Variants in DNAH10 observed in about 807,000 individuals in gnomAD.
The protein encoded by DNAH10 is axonemal beta dynein heavy chain 10.
Under a neutral mutation model 506.6 loss-of-function variants are expected in DNAH10, and 348 were observed. The observed-to-expected ratio is 0.69, with a 90% confidence interval of 0.63 to 0.75. The LOEUF (loss-of-function observed/expected upper bound fraction) is 0.75. Among genes scored for constraint, DNAH10 ranks in the 30% least tolerant of loss-of-function variants. The pLI is 0.00. For missense variants in DNAH10, 5,179 were observed against 5,787.1 expected (o/e 0.89, Z 3.41); for synonymous variants, 2,059 against 2,198.6 (o/e 0.94, Z 1.78).
intron 1 of DNAH10, among the ~76,000 whole-genome samples, chr12:123,767,035 A>G (rs1323136380): frequency 1.3e-5 from 2 of 151,078 alleles, no homozygotes; most frequent in African/African-American, 4.9e-5. Flanking sequence ...CCTCCCAAGT[A>G]GCTGGGATTA....
chr12:123,814,740 G>C (rs112344937), intron 21 of DNAH10, among the ~76,000 whole-genome samples: 386 of 150,076 alleles, frequency 2.6e-3, no homozygotes, highest in African/African-American at 9.2e-3. Context: ...TCAGCCTCCC[G>C]AGTACCTGGG....
chr12:123,878,017 A>G, intron 48 of DNAH10, 109 bp downstream of exon 48: 1 of 1,342,894 alleles, frequency 7.4e-7, no homozygotes. Flanking sequence ...GTATGAATTA[A>G]TTACCCAATG....
chr12:123,910,758 A>ATTCACATGTACATAC lies in DNAH10; in HGVS notation c.10134+86_10134+87insTTCACATGTACATAC. ...CACATGTACATACCTTTGCTGAAAA[A>ATTCACATGTACATAC]CTTCTCCCGAGGTTCTGACTTCAAG... is the stretch of plus-strand genomic sequence containing the variant. On this transcript the variant is annotated intron_variant, in intron 59 of 78. Transcript: ENST00000673944. 47 of 1,500,624 alleles carry ATTCACATGTACATAC rather than the reference A, an allele frequency of 3.1e-5. No individual in the cohort carries two copies. The African/African-American group carries it at 4.8e-4, about 15-fold the overall frequency. The allele number at this position is 1,500,624 out of a possible 1,614,324, so 93.0% of individuals were successfully genotyped here. A position where few individuals can be genotyped will look rare whatever the true frequency, so the allele number is the denominator to read the frequency against.
rs142926683 is a variant in DNAH10, at chr12:123,872,874, C to A, written c.7786-684C>A. Among the ~76,000 whole-genome samples the A allele has an allele frequency of 2.6e-3, 399 of 152,228 alleles. 1 individual carries two copies. Among genetic ancestry groups the A allele is most frequent in the African/African-American group, 9.2e-3 (383 of 41,526 alleles). On this transcript the variant is annotated intron_variant, in intron 45 of 78. Coordinates refer to ENST00000673944, the MANE Select transcript of DNAH10 (RefSeq NM_001372106.1). ...AATTGGAAACTCTGGGGAATGGAGC[C>A]CAGCAAGGTGTGTGGCACAAACCCT... is the stretch of plus-strand genomic sequence containing the variant.
chr12:123,854,777 T>C (rs529207484), intron 36 of DNAH10, among the ~76,000 whole-genome samples: 1 of 152,344 alleles, frequency 6.6e-6, no homozygotes, highest in South Asian at 2.1e-4. Flanking sequence ...TTTGTTCTTA[T>C]TCAGTAAATC....
rs1953625451 is a variant in DNAH10 at position 123,903,492 on chromosome 12, CAG to C, written c.9815+383_9815+384del. On this transcript the variant is annotated intron_variant, in intron 57 of 78. Transcript: ENST00000673944. The surrounding 1 kb of genome is among the most constrained non-coding windows in gnomAD (Gnocchi z 4.6). ...CTGAGCCCTGCTGAAAACAGCTCTG[CAG>C]AGATGTGTGCACACCACGGCCGGAC... Among the ~76,000 whole-genome samples the C allele has an allele frequency of 3.9e-5, 6 of 152,360 alleles. No individual in the cohort carries two copies. In the South Asian group the frequency reaches 1.0e-3, roughly 26 times the overall value.
intron 35 of DNAH10, among the ~76,000 whole-genome samples, chr12:123,851,277 T>C (rs768115269): frequency 9.6e-5 from 14 of 145,868 alleles, no homozygotes; most frequent in South Asian, 2.1e-4. Flanking sequence ...TAGGATGTGT[T>C]AGTTCCATGT....
chr12:123,841,314 G>C lies in DNAH10; in HGVS notation c.5137-8G>C, dbSNP rs567481020. The C allele has an allele frequency of 6.2e-7, 1 of 1,613,896 alleles. No individual in the cohort carries two copies. Among genetic ancestry groups the C allele is most frequent in the African/African-American group, 1.3e-5 (1 of 75,044 alleles). On this transcript the variant is annotated splice_region_variant and splice_polypyrimidine_tract_variant and intron_variant, in intron 29 of 78. Transcript: ENST00000673944. The stretch of plus-strand genomic sequence containing the variant: ...AGGTCTTACAGGGCTGCCTCTCCCT[G>C]TTTGCAGATGTACGACAACATAGCA...
intron 73 of DNAH10, among the ~76,000 whole-genome samples, chr12:123,931,033 A>C (rs1007084753): frequency 4.6e-5 from 7 of 152,110 alleles, no homozygotes; most frequent in African/African-American, 1.7e-4. Context: ...AAATAAACAA[A>C]AAATCAAAAC....
chr12:123,882,480 A>G (rs1467337307), intron 51 of DNAH10, among the ~76,000 whole-genome samples: 1 of 152,212 alleles, frequency 6.6e-6, no homozygotes, highest in Non-Finnish European at 1.5e-5. Flanking sequence ...CAACCAGACC[A>G]CAGTCTACTT....
intron 41 of DNAH10, among the ~76,000 whole-genome samples, chr12:123,866,979 A>T (rs1003441304): frequency 1.3e-5 from 2 of 152,234 alleles, no homozygotes; most frequent in Non-Finnish European, 2.9e-5. Context: ...AAACCAGGAC[A>T]TAATTATGCC....
At chr12:123,852,916 C>A (rs1437591442) in intron 35 of DNAH10, among the ~76,000 whole-genome samples, 1 of 152,078 alleles carries the variant, frequency 6.6e-6, no homozygotes, top group South Asian at 2.1e-4. Context: ...AATAAAGAAG[C>A]AATGTATTTC....
intron 19 of DNAH10, among the ~76,000 whole-genome samples, chr12:123,812,419 C>T (rs1217776029): frequency 2.0e-5 from 3 of 152,072 alleles, no homozygotes; most frequent in African/African-American, 7.2e-5. Context: ...CCACTGCACT[C>T]CAGCCTAGGC....
intron 13 of DNAH10, 45 bp from the exon 14 acceptor site, chr12:123,799,201 G>A (rs749240126): frequency 5.3e-5 from 82 of 1,555,810 alleles, no homozygotes; most frequent in Non-Finnish European, 6.9e-5. Flanking sequence ...GATGAAAAAT[G>A]TTATTTTCAA....
chr12:123,771,453 T>G (rs77056995), intron 2 of DNAH10, 148 bp from the exon 3 acceptor site: 21,024 of 678,696 alleles, frequency 0.031, 1,656 homozygotes, highest in African/African-American at 0.23. Context: ...GGCCACAATT[T>G]GATTGATTGG....
intron 45 of DNAH10, among the ~76,000 whole-genome samples, chr12:123,873,057 C>A (rs558598365): frequency 1.7e-4 from 26 of 152,348 alleles, no homozygotes; most frequent in Admixed American, 1.3e-4. Flanking sequence ...AAGCCTGAAC[C>A]ACTTGTTCAT....
intron 21 of DNAH10, 87 bp downstream of exon 21, chr12:123,813,999 C>T (rs1594094208): frequency 7.8e-7 from 1 of 1,276,480 alleles, no homozygotes; most frequent in East Asian, 2.5e-5. Context: ...AGTATACTGC[C>T]ATTGATTTGT....
chr12:123,786,393 T>A (rs1957854031), intron 9 of DNAH10, among the ~76,000 whole-genome samples: 1 of 150,612 alleles, frequency 6.6e-6, no homozygotes, highest in Non-Finnish European at 1.5e-5. Flanking sequence ...CCACTATCAA[T>A]GTTAGAACAT....
chr12:123,818,919 G>A (rs1256217351), intron 21 of DNAH10, 31 bp from the exon 22 acceptor site: 2 of 1,445,950 alleles, frequency 1.4e-6, no homozygotes. Flanking sequence ...ATCATTTGTT[G>A]TTTATTCTGT....
Sources: gnomAD v4.1 joint callset for allele counts (sites outside exome capture counted in the v4.1 genomes callset) on GRCh38, gnomAD v4.1.1 for gene constraint, Gnocchi (gnomAD v3.1) non-coding constraint, MANE v1.5 for transcripts, NCBI Gene and HGNC (gene_info 2026-07-23, HGNC 2026-07-21) for gene names.